The following PRKG1 variants were observed in gnomAD, a reference collection of about 807,000 sequenced individuals.
PRKG1 encodes the protein protein kinase cGMP-dependent 1.
Under a neutral mutation model 88.1 loss-of-function variants are expected in PRKG1, and 35 were observed. The observed-to-expected ratio is 0.40, with a 90% CI of 0.30 to 0.53. The LOEUF is 0.53. Ranked by LOEUF, PRKG1 falls within the 20% of genes least tolerant of loss-of-function variation. The pLI is 0.59. For missense variants in PRKG1, 540 were observed against 839.8 expected, an observed-to-expected ratio of 0.64 and a Z score of 4.41; for synonymous variants, 303 against 292.5, an observed-to-expected ratio of 1.04 and a Z score of -0.37.
chr10:51,875,397 AC>A (rs928838379), intron 4 of PRKG1, among the ~76,000 whole-genome samples: 8 of 151,686 alleles, frequency 5.3e-5, no homozygotes, highest in African/African-American at 1.9e-4. Context: ...AAAAAAAACC[AC>A]CCCAGATTCC....
chr10:51,441,963 G>A (rs1169302780), intron 2 of PRKG1, among the ~76,000 whole-genome samples: 2 of 151,722 alleles, frequency 1.3e-5, no homozygotes, highest in Admixed American at 6.6e-5. Context: ...ATTCATAGAA[G>A]TGCATTTGAA....
intron 1 of PRKG1, among the ~76,000 whole-genome samples, chr10:51,150,842 T>C (rs1253069900): frequency 6.6e-6 from 1 of 152,092 alleles, no homozygotes; most frequent in Non-Finnish European, 1.5e-5. Context: ...TTAGGGCTCA[T>C]TGTTTAATCT....
At chr10:51,986,401 C>T (rs1844158594) in intron 5 of PRKG1, among the ~76,000 whole-genome samples, 1 of 151,580 alleles carries the variant, frequency 6.6e-6, no homozygotes, top group Admixed American at 6.6e-5. Flanking sequence ...ATAGTCACTT[C>T]AAAAAAAAGA....
chr10:51,418,151 T>G (rs554751522), intron 2 of PRKG1, among the ~76,000 whole-genome samples: 15 of 152,338 alleles, frequency 9.8e-5, no homozygotes, highest in Admixed American at 7.8e-4. Context: ...TTATTCATGA[T>G]TTATCTGCCT....
chr10:51,303,349 T>A (rs1305335625), intron 2 of PRKG1, among the ~76,000 whole-genome samples: 1 of 151,772 alleles, frequency 6.6e-6, no homozygotes, highest in Non-Finnish European at 1.5e-5. Flanking sequence ...TTTCTAAGAG[T>A]TAAATGTTCA....
At position 50,991,999 on chromosome 10, in the gene PRKG1, G is replaced by A. The variant is rs1323355300; in HGVS notation, c.266+355G>A. On this transcript the variant is annotated intron_variant, in intron 1 of 17. Coordinates refer to the PRKG1 transcript ENST00000401604. The surrounding 1 kb of genome is among the most constrained non-coding windows in gnomAD (Gnocchi z 4.5). ...GTCCTTCGTGCGCCCCGCTGGGAGC[G>A]TCCACGCAGGGACCCAACCCTGCCC... is the stretch of plus-strand genomic sequence containing the variant. 6.6e-6 allele frequency among the ~76,000 whole-genome samples: 1 copy of A among 152,056 alleles called. No individual in the cohort carries two copies. The highest frequency in any genetic ancestry group is 6.5e-5 in the Admixed American group (1 of 15,276).
At chr10:51,488,537 G>A (rs1199229841) in intron 3 of PRKG1, among the ~76,000 whole-genome samples, 1 of 152,090 alleles carries the variant, frequency 6.6e-6, no homozygotes, top group Non-Finnish European at 1.5e-5. Flanking sequence ...CTCCGTAGTA[G>A]ACTTTGACAT....
chr10:52,251,852 C>T (rs1328148820), intron 10 of PRKG1, 186 bp downstream of exon 10: 2 of 506,476 alleles, frequency 3.9e-6, no homozygotes, highest in African/African-American at 1.9e-5. Context: ...CTAAATTATG[C>T]AGTCAACGAC....
At position 52,008,729 on chromosome 10, in the gene PRKG1, C is replaced by G. The variant is rs79880837; in HGVS notation, c.763-45755C>G. Among the ~76,000 whole-genome samples, 1,503 of 151,822 alleles carry G rather than the reference C, an allele frequency of 9.9e-3. 26 individuals are homozygous for G. The highest frequency in any genetic ancestry group is 0.035 in the African/African-American group (1,434 of 41,474). On this transcript the variant is annotated intron_variant, in intron 5 of 17. Coordinates refer to ENST00000373980, the MANE Select transcript of PRKG1 (RefSeq NM_006258.4). Reference sequence around the variant, plus strand: ...TTTTTAAAAAATTGTCAAGTTTCCTCCCCAGTTTTTTGGAACAGTTTCAAC... The same window carrying G: ...TTTTTAAAAAATTGTCAAGTTTCCTGCCCAGTTTTTTGGAACAGTTTCAAC...
intron 3 of PRKG1, among the ~76,000 whole-genome samples, chr10:51,580,769 C>A (rs1838011312): frequency 6.6e-6 from 1 of 151,994 alleles, no homozygotes; most frequent in Non-Finnish European, 1.5e-5. Context: ...TCACTGGAGA[C>A]AGAAGGATTC....
intron 9 of PRKG1, among the ~76,000 whole-genome samples, chr10:52,246,876 CAAAAAAAAAAA>C (rs756775020): frequency 1.7e-5 from 1 of 57,224 alleles, no homozygotes; most frequent in South Asian, 7.5e-4. Flanking sequence ...AACACAGTCT[CAAAAAAAAAAA>C]AAAAAAAAAA....
rs188325315 is a variant in PRKG1 at position 51,560,465 on chromosome 10, G to A, written c.592+92629G>A. ...GACCTTCCCTCTTGCAACTTAGTAG[G>A]ATTAAGTTTAATAGGATTAAATTTA... On this transcript the variant is annotated intron_variant, in intron 3 of 17. Transcript: ENST00000373980. Among the ~76,000 whole-genome samples, 358 of 152,088 alleles carry A rather than the reference G, an allele frequency of 2.4e-3. 1 individual carries two copies. The highest frequency in any genetic ancestry group is 8.1e-3 in the African/African-American group (335 of 41,510).
In PRKG1 at chr10:51,655,492, T is replaced by A. The variant is rs139444545; in HGVS notation, c.593-149093T>A. 1.2e-3 allele frequency among the ~76,000 whole-genome samples: 186 copies of A among 152,190 alleles called. 1 individual carries two copies. Among genetic ancestry groups the A allele is most frequent in the African/African-American group, 4.2e-3 (174 of 41,540 alleles). Reference sequence around the variant, plus strand: ...AAGATCAGGAAATAATTCAGCACATTTAGAATCTTTATTTCAAATGAGAAC... The same window carrying A: ...AAGATCAGGAAATAATTCAGCACATATAGAATCTTTATTTCAAATGAGAAC... On this transcript the variant is annotated intron_variant, in intron 3 of 17. Transcript: ENST00000373980.
intron 2 of PRKG1, among the ~76,000 whole-genome samples, chr10:51,449,581 G>A (rs560792958): frequency 1.7e-3 from 95 of 55,328 alleles, no homozygotes; most frequent in African/African-American, 8.1e-3. Context: ...GTGCTGCTAC[G>A]GTGATGTACA....
At position 51,200,436 on chromosome 10, in the gene PRKG1, T is replaced by C. The variant is rs569735779; in HGVS notation, c.478+47106T>C. ...AAGGGTTTGAATGCTAAGGAATTTGTACTTCACAGCTAAAATGATAGAGAC... is the reference window on the plus strand; with the variant it reads ...AAGGGTTTGAATGCTAAGGAATTTGCACTTCACAGCTAAAATGATAGAGAC... On this transcript the variant is annotated intron_variant, in intron 2 of 17. Transcript: ENST00000373980. Among the ~76,000 whole-genome samples the C allele has an allele frequency of 5.9e-5, 9 of 152,372 alleles. No individual in the cohort carries two copies. In the East Asian group the frequency reaches 1.7e-3, roughly 29 times the overall value.
At chr10:52,135,919 A>T (rs1026658010) in intron 8 of PRKG1, among the ~76,000 whole-genome samples, 1 of 152,088 alleles carries the variant, frequency 6.6e-6, no homozygotes, top group Non-Finnish European at 1.5e-5. Flanking sequence ...GATTTGGGGA[A>T]ATCCTTTCAT....
chr10:51,408,369 G>A (rs995408017), intron 2 of PRKG1, among the ~76,000 whole-genome samples: 20 of 152,320 alleles, frequency 1.3e-4, no homozygotes, highest in African/African-American at 2.4e-4. Flanking sequence ...TTCTTTAGCC[G>A]TAAAGTGAGT....
In PRKG1 at chr10:51,399,796, G is replaced by A. The variant is rs1837684910; in HGVS notation, c.479-67927G>A. ...AGTGACAACAGTACACAGTTTCTAA[G>A]CACAACAGCGGAAATGGTGACTTCA... On this transcript the variant is annotated intron_variant, in intron 2 of 17. Transcript: ENST00000373980. Among the ~76,000 whole-genome samples, 3 of 152,078 alleles carry A rather than the reference G, an allele frequency of 2.0e-5. No individual in the cohort carries two copies. The South Asian group carries it at 6.2e-4, about 31-fold the overall frequency.
At chr10:51,933,828 T>C (rs1318199844) in intron 5 of PRKG1, among the ~76,000 whole-genome samples, 1 of 152,158 alleles carries the variant, frequency 6.6e-6, no homozygotes, top group Non-Finnish European at 1.5e-5. Flanking sequence ...TTACATTGCT[T>C]TCAGTACAGC....
Sources: allele counts gnomAD v4.1 joint callset (sites outside exome capture counted in the v4.1 genomes callset), GRCh38; gene constraint gnomAD v4.1.1; non-coding constraint Gnocchi (gnomAD v3.1); transcripts MANE v1.5; gene names NCBI Gene and HGNC (gene_info 2026-07-23, HGNC 2026-07-21).